SH3BP4: variants seen among roughly 807,000 people sequenced by gnomAD.
SH3BP4 encodes the protein SH3 domain binding protein 4.
A neutral mutation model predicts 65.5 loss-of-function variants in SH3BP4; 33 were observed. The observed-to-expected ratio is 0.50, with a 90% CI of 0.38 to 0.67. The LOEUF (loss-of-function observed/expected upper bound fraction) is 0.67. Ranked by LOEUF, SH3BP4 falls within the 30% of genes least tolerant of loss-of-function variation. The pLI, the probability that SH3BP4 is intolerant of heterozygous loss-of-function variation, is 0.00. For missense variants in SH3BP4, 1,134 were observed against 1,261.4 expected (o/e 0.90, Z 1.53); for synonymous variants, 552 against 545.5 (o/e 1.01, Z -0.17).
chr2:235,023,547 G>A (rs564901968), intron 2 of SH3BP4, among the ~76,000 whole-genome samples: 157 of 152,072 alleles, frequency 1.0e-3, no homozygotes, highest in African/African-American at 3.6e-3. Flanking sequence ...ACTCCATCTC[G>A]GGCGGTGGGG....
intron 1 of SH3BP4, among the ~76,000 whole-genome samples, chr2:234,968,377 C>G (rs867138811): frequency 1.4e-4 from 15 of 105,762 alleles, no homozygotes; most frequent in African/African-American, 4.5e-4. Context: ...CAGAGTTGTT[C>G]TTTTTTTTTT....
At position 235,052,515 on chromosome 2, in the gene SH3BP4, G is replaced by A; in HGVS notation, c.2479-47G>A. ...TGGAATTCTGCGGGGAGCAGAGCCT[G>A]CCCCACTCCCTACACTGTCTCACGC... is the stretch of plus-strand genomic sequence containing the variant. On this transcript the variant is annotated intron_variant, in intron 4 of 5. Coordinates refer to ENST00000392011, the MANE Select transcript of SH3BP4 (RefSeq NM_014521.3). The surrounding 1 kb of genome is among the most constrained non-coding windows in gnomAD (Gnocchi z 5.0). 1.4e-6 allele frequency: 2 copies of A among 1,449,926 alleles called. No homozygotes were observed. Among genetic ancestry groups the A allele is most frequent in the Non-Finnish European group, 9.2e-7 (1 of 1,082,620 alleles). 89.8% of individuals were successfully genotyped at this position (1,449,926 alleles called of 1,614,324 possible). A position where few individuals can be genotyped will look rare whatever the true frequency, so the allele number is the denominator to read the frequency against.
intron 2 of SH3BP4, among the ~76,000 whole-genome samples, chr2:235,005,375 C>T (rs1694262060): frequency 6.6e-6 from 1 of 152,076 alleles, no homozygotes; most frequent in Non-Finnish European, 1.5e-5. Context: ...CACTCCGGCT[C>T]CCCTGACTGG....
chr2:235,052,069 G>C lies in SH3BP4; in HGVS notation c.2479-493G>C, dbSNP rs554917293. 7.4e-4 allele frequency among the ~76,000 whole-genome samples: 112 copies of C among 152,298 alleles called. 1 individual carries two copies. The highest frequency in any genetic ancestry group is 2.7e-3 in the African/African-American group (112 of 41,560). ...CCAGGGTGGCCTCCGTCTGGAAGCA[G>C]TGGGGGAGAAGGGGTTGCAGGCCTG... is the stretch of plus-strand genomic sequence containing the variant. On this transcript the variant is annotated intron_variant, in intron 4 of 5. Coordinates refer to ENST00000392011, the MANE Select transcript of SH3BP4 (RefSeq NM_014521.3). This position sits in a 1 kb window ranked among gnomAD's most constrained non-coding sequence, Gnocchi z 5.0.
intron 2 of SH3BP4, among the ~76,000 whole-genome samples, chr2:235,005,713 A>T (rs902199554): frequency 6.6e-6 from 1 of 152,188 alleles, no homozygotes; most frequent in Non-Finnish European, 1.5e-5. Flanking sequence ...AAGGAAGCAC[A>T]TGTTTGCTGA....
At position 234,976,155 on chromosome 2, in the gene SH3BP4, G is replaced by A. The variant is rs1286713639; in HGVS notation, c.-206-19148G>A. ...TGGCTTTCATCTAGTGACCCCTGTGGAGGACTCCTGCGGATTCCCCATCTA... is the reference window on the plus strand; with the variant it reads ...TGGCTTTCATCTAGTGACCCCTGTGAAGGACTCCTGCGGATTCCCCATCTA... On this transcript the variant is annotated intron_variant, in intron 1 of 5. Transcript: ENST00000392011. This position sits in a 1 kb window ranked among gnomAD's most constrained non-coding sequence, Gnocchi z 4.7. 2.6e-5 allele frequency among the ~76,000 whole-genome samples: 4 copies of A among 152,088 alleles called. No homozygotes were observed. Among genetic ancestry groups the A allele is most frequent in the African/African-American group, 9.7e-5 (4 of 41,426 alleles).
At chr2:234,955,260 G>A (rs1396274409) in intron 1 of SH3BP4, among the ~76,000 whole-genome samples, 1 of 152,240 alleles carries the variant, frequency 6.6e-6, no homozygotes, top group East Asian at 1.9e-4. Context: ...GCGAGCCTCA[G>A]GCCAAGCAAC....
chr2:234,967,186 G>T lies in SH3BP4; in HGVS notation c.-207+15016G>T, dbSNP rs1254570684. ...AGAAGCCAGGAGTTAAGTCCAGGCT[G>T]TCTCAACCATGATACTGTTCTCCCC... On this transcript the variant is annotated intron_variant, in intron 1 of 5. Coordinates refer to ENST00000392011, the MANE Select transcript of SH3BP4 (RefSeq NM_014521.3). The surrounding 1 kb of genome is among the most constrained non-coding windows in gnomAD (Gnocchi z 4.6). 6.6e-6 allele frequency among the ~76,000 whole-genome samples: 1 copy of T among 152,138 alleles called. No homozygotes were observed. The highest frequency in any genetic ancestry group is 1.5e-5 in the Non-Finnish European group (1 of 68,006).
chr2:234,954,250 G>C (rs1692539136), intron 1 of SH3BP4, among the ~76,000 whole-genome samples: 1 of 151,908 alleles, frequency 6.6e-6, no homozygotes, highest in Admixed American at 6.6e-5. Context: ...GTTAATTCTG[G>C]GTACCAAAGG....
intron 1 of SH3BP4, among the ~76,000 whole-genome samples, chr2:234,975,736 C>G (rs1693148239): frequency 6.6e-6 from 1 of 152,044 alleles, no homozygotes. Flanking sequence ...ATTAGCTGGG[C>G]ATGGTGGTGC....
chr2:234,984,647 C>T (rs1479606780), intron 1 of SH3BP4, among the ~76,000 whole-genome samples: 2 of 152,150 alleles, frequency 1.3e-5, no homozygotes, highest in Non-Finnish European at 2.9e-5. Context: ...CTGGCTTTGA[C>T]CAGAACCGAC....
intron 2 of SH3BP4, among the ~76,000 whole-genome samples, chr2:235,001,946 C>T (rs554331834): frequency 2.0e-5 from 3 of 152,182 alleles, no homozygotes; most frequent in South Asian, 4.2e-4. Flanking sequence ...CTGCAACCTC[C>T]GCCTCCCGGG....
chr2:235,018,018 G>A (rs1170469805), intron 2 of SH3BP4, among the ~76,000 whole-genome samples: 1 of 152,106 alleles, frequency 6.6e-6, no homozygotes, highest in East Asian at 1.9e-4. Context: ...CCTAATTCTG[G>A]GGCCCTGGCA....
At chr2:235,038,103 G>C (rs529525474) in intron 3 of SH3BP4, among the ~76,000 whole-genome samples, 4 of 148,872 alleles carry the variant, frequency 2.7e-5, no homozygotes, top group African/African-American at 9.9e-5. Context: ...AACAAAACAG[G>C]CTCTAATGGT....
chr2:235,027,992 C>T (rs1695057462), intron 2 of SH3BP4, among the ~76,000 whole-genome samples: 1 of 152,196 alleles, frequency 6.6e-6, no homozygotes, highest in Non-Finnish European at 1.5e-5. Flanking sequence ...GTGTGTGCGG[C>T]TTCTTGAGTT....
intron 2 of SH3BP4, among the ~76,000 whole-genome samples, chr2:235,032,042 G>A (rs969455721): frequency 3.3e-5 from 5 of 152,238 alleles, no homozygotes; most frequent in African/African-American, 4.8e-5. Context: ...CGCGGTGGCC[G>A]AGGTGGCCGA....
chr2:235,042,720 C>G lies in SH3BP4; in HGVS notation c.1951C>G (p.Arg651Gly). 1.2e-6 allele frequency: 2 copies of G among 1,614,194 alleles called. No homozygotes were observed. The highest frequency in any genetic ancestry group is 1.7e-6 in the Non-Finnish European group (2 of 1,180,042). Reference protein sequence around the residue: ...TTTKYPTFQDRPVSSLKFGKL... With the variant: ...TTTKYPTFQDGPVSSLKFGKL... The stretch of plus-strand genomic sequence containing the variant: ...TACAAAGTACCCGACTTTCCAGGAC[C>G]GCCCGGTGTCCAGCCTCAAGTTTGG... The change falls in exon 4 of 6, where the codon CGC becomes GGC. Residue 651 changes from arginine (R) to glycine (G), a missense_variant. Transcript: ENST00000392011. The surrounding 1 kb of genome is among the most constrained non-coding windows in gnomAD (Gnocchi z 7.3).
chr2:235,001,491 A>C (rs1694097932), intron 2 of SH3BP4, among the ~76,000 whole-genome samples: 1 of 152,190 alleles, frequency 6.6e-6, no homozygotes, highest in Non-Finnish European at 1.5e-5. Flanking sequence ...ACTTGACAGA[A>C]ACCAGTGTAA....
At chr2:235,036,571 T>G (rs1157113576) in intron 3 of SH3BP4, among the ~76,000 whole-genome samples, 3 of 151,824 alleles carry the variant, frequency 2.0e-5, no homozygotes, top group Non-Finnish European at 4.4e-5. Flanking sequence ...CTGGCCAACA[T>G]GGTGAAACCC....
Sources: allele counts gnomAD v4.1 joint callset (sites outside exome capture counted in the v4.1 genomes callset), GRCh38; gene constraint gnomAD v4.1.1; non-coding constraint Gnocchi (gnomAD v3.1); transcripts MANE v1.5; gene names NCBI Gene and HGNC (gene_info 2026-07-23, HGNC 2026-07-21).